Variants in RTKN2 observed in about 807,000 individuals in gnomAD.
The protein encoded by RTKN2 is rhotekin 2.
RTKN2 carries 69 observed loss-of-function variants against 71.5 expected under a neutral mutation model. The ratio of observed to expected loss-of-function variants is 0.96; its 90% CI spans 0.79 to 1.18. The LOEUF is 1.18. RTKN2 is among the 50% of genes most tolerant of loss of function. The pLI is 0.00. For missense variants in RTKN2, 724 were observed against 719.7 expected, an observed-to-expected ratio of 1.01 and a Z score of -0.07; for synonymous variants, 236 against 236.5, an observed-to-expected ratio of 1.00 and a Z score of 0.02.
At chr10:62,231,098 A>G (rs539744419) in intron 6 of RTKN2, among the ~76,000 whole-genome samples, 4 of 152,324 alleles carry the variant, frequency 2.6e-5, no homozygotes, top group African/African-American at 9.6e-5. Flanking sequence ...GTTTGGATGC[A>G]TGTTTTATAA....
intron 9 of RTKN2, chr10:62,215,173 T>C (rs1841743090): frequency 2.4e-6 from 2 of 836,504 alleles, no homozygotes; most frequent in Non-Finnish European, 3.6e-6. Flanking sequence ...AAAAAATTAG[T>C]AGGATTTCAT....
chr10:62,186,369 A>G (rs1313527740), intron 8 of RTKN2, among the ~76,000 whole-genome samples: 2 of 152,248 alleles, frequency 1.3e-5, no homozygotes, highest in Non-Finnish European at 2.9e-5. Context: ...CTGGTGATTT[A>G]CTAAAAATAA....
chr10:62,204,217 A>T (rs1841503509), intron 10 of RTKN2, among the ~76,000 whole-genome samples: 1 of 152,238 alleles, frequency 6.6e-6, no homozygotes, highest in African/African-American at 2.4e-5. Context: ...ATTGTCAGTA[A>T]ACACAAAGAA....
At chr10:62,246,967 CATTTACAGGGCAAT>C (rs1412104056) in intron 2 of RTKN2, among the ~76,000 whole-genome samples, 2 of 151,922 alleles carry the variant, frequency 1.3e-5, no homozygotes, top group African/African-American at 4.8e-5. Context: ...ATTAGCATTC[CATTTACAGGGCAAT>C]ATTTCTAAGA....
intron 3 of RTKN2, among the ~76,000 whole-genome samples, chr10:62,241,979 G>A (rs7075524): frequency 0.73 from 110,246 of 150,580 alleles, 40,615 homozygotes; most frequent in East Asian, 0.9. Flanking sequence ...GATTACAGGC[G>A]TGAGCCACTG....
chr10:62,252,194 TA>T (rs1842594008), intron 2 of RTKN2, among the ~76,000 whole-genome samples: 1 of 152,036 alleles, frequency 6.6e-6, no homozygotes, highest in African/African-American at 2.4e-5. Flanking sequence ...GACTTTAAGA[TA>T]AAGAAAAGTA....
At chr10:62,259,499 G>A (rs1842734434) in intron 2 of RTKN2, among the ~76,000 whole-genome samples, 3 of 152,086 alleles carry the variant, frequency 2.0e-5, no homozygotes, top group African/African-American at 7.2e-5. Flanking sequence ...CAACACAACA[G>A]ATCTTTTCCC....
chr10:62,268,547 T>A lies in RTKN2; in HGVS notation c.60+4A>T. ...TCCGCGGCAGGGTCCCTCCCGCAAC[T>A]CACCTGCTGGGTGGGAAGCCCCGCC... On this transcript the variant is annotated splice_donor_region_variant and intron_variant, in intron 1 of 11. Coordinates refer to ENST00000373789, the MANE Select transcript of RTKN2 (RefSeq NM_145307.4). The A allele has an allele frequency of 6.4e-7, 1 of 1,554,746 alleles. No individual in the cohort carries two copies. Among genetic ancestry groups the A allele is most frequent in the Non-Finnish European group, 8.7e-7 (1 of 1,148,892 alleles).
chr10:62,236,038 C>A, intron 6 of RTKN2, 28 bp downstream of exon 6: 1 of 1,402,936 alleles, frequency 7.1e-7, no homozygotes, highest in South Asian at 1.2e-5. Flanking sequence ...ATAATTATGT[C>A]ACCATAAATA....
At chr10:62,215,464 C>T (rs1841749436) in intron 9 of RTKN2, among the ~76,000 whole-genome samples, 1 of 151,928 alleles carries the variant, frequency 6.6e-6, no homozygotes, top group African/African-American at 2.4e-5. Context: ...CTGGATCAGA[C>T]ACTAAATAAA....
In RTKN2 at chr10:62,246,020, T is replaced by A; in HGVS notation, c.295A>T (p.Lys99Ter). Residue 99 changes from lysine (K) to a stop codon, truncating the protein, a stop_gained, in exon 3 of 12, where the codon AAA becomes TAA. Transcript: ENST00000373789. LOFTEE classifies it high-confidence loss of function. ...ATACCTGATATGGCAATCTTTCCTT[T>A]ACATGCTGTTCGTTCTTTACTTTCA... ...KFESKERTAC[K>*]GKIAISDIRI... The A allele has an allele frequency of 6.3e-7, 1 of 1,595,666 alleles. No homozygotes were observed. The highest frequency in any genetic ancestry group is 8.5e-7 in the Non-Finnish European group (1 of 1,170,586).
chr10:62,204,958 T>C lies in RTKN2; in HGVS notation c.1085A>G (p.Asn362Ser), dbSNP rs141013908. ...AGTTATAGCTTGTCCAGGAACAGGA[T>C]TGATGACAGAGAAATTATGGATTCT... is the stretch of plus-strand genomic sequence containing the variant. ...KKRIHNFSVINPVPGQAITQI... is the reference protein window; with the variant it reads ...KKRIHNFSVISPVPGQAITQI... Residue 362 changes from asparagine to serine, a missense_variant, in exon 10 of 12, where the codon AAT becomes AGT. Asn to Ser is a conservative substitution (Grantham distance 46, BLOSUM62 1). Transcript: ENST00000373789. 5.5e-5 allele frequency: 88 copies of C among 1,601,894 alleles called. No homozygotes were observed. The highest frequency in any genetic ancestry group is 3.9e-4 in the African/African-American group (29 of 74,200).
At chr10:62,216,961 A>G (rs1419243621) in intron 9 of RTKN2, among the ~76,000 whole-genome samples, 157 bp downstream of exon 9, 1 of 152,158 alleles carries the variant, frequency 6.6e-6, no homozygotes, top group Non-Finnish European at 1.5e-5. Context: ...GATAAGCTCT[A>G]ATAGAAAAAC....
At position 62,217,264 on chromosome 10, in the gene RTKN2, A is replaced by T. The variant is rs1048352787; in HGVS notation, c.889-15T>A. 6.6e-7 allele frequency: 1 copy of T among 1,516,446 alleles called. No homozygotes were observed. The highest frequency in any genetic ancestry group is 8.8e-7 in the Non-Finnish European group (1 of 1,132,572). The allele number at this position is 1,516,446 out of a possible 1,614,324, so 93.9% of individuals were successfully genotyped here. A position where few individuals can be genotyped will look rare whatever the true frequency, so the allele number is the denominator to read the frequency against. On this transcript the variant is annotated splice_polypyrimidine_tract_variant and intron_variant, in intron 8 of 11. Coordinates refer to ENST00000373789, the MANE Select transcript of RTKN2 (RefSeq NM_145307.4). ...TCTACCATTTGCTGAAAAAAAAAAA[A>T]AAAAAATCAAGAGACTATCAATTTT...
chr10:62,245,100 A>G (rs1384404792), intron 3 of RTKN2, among the ~76,000 whole-genome samples: 1 of 152,184 alleles, frequency 6.6e-6, no homozygotes, highest in Non-Finnish European at 1.5e-5. Context: ...TAGTGTACAC[A>G]CGAGTCAGCC....
chr10:62,248,260 G>GA (rs1842514419), intron 2 of RTKN2, among the ~76,000 whole-genome samples: 1 of 152,036 alleles, frequency 6.6e-6, no homozygotes, highest in South Asian at 2.1e-4. Context: ...AATGAGAGGA[G>GA]AAAAACTGAA....
chr10:62,248,614 G>T (rs1411385144), intron 2 of RTKN2, among the ~76,000 whole-genome samples: 2 of 152,084 alleles, frequency 1.3e-5, no homozygotes, highest in African/African-American at 4.8e-5. Context: ...GCTGAGATTT[G>T]TAAATGCTAA....
At chr10:62,229,682 G>A (rs1205775897) in intron 6 of RTKN2, among the ~76,000 whole-genome samples, 2 of 152,146 alleles carry the variant, frequency 1.3e-5, no homozygotes, top group African/African-American at 4.8e-5. Context: ...CATTGCATCT[G>A]TACTGGGTGC....
intron 9 of RTKN2, among the ~76,000 whole-genome samples, chr10:62,206,949 G>C (rs530257665): frequency 8.8e-4 from 134 of 151,954 alleles, no homozygotes; most frequent in African/African-American, 3.0e-3. Flanking sequence ...AAGAATCTTT[G>C]ATATGCTACT....
Sources: allele counts gnomAD v4.1 joint callset (sites outside exome capture counted in the v4.1 genomes callset), GRCh38; gene constraint gnomAD v4.1.1; transcripts MANE v1.5; gene names NCBI Gene and HGNC (gene_info 2026-07-23, HGNC 2026-07-21).